CTNNA2: variants seen among roughly 807,000 people sequenced by gnomAD.
CTNNA2 encodes the protein catenin alpha 2.
A neutral mutation model predicts 101.0 loss-of-function variants in CTNNA2; 42 were observed. The ratio of observed to expected loss-of-function variants is 0.42; its 90% CI spans 0.32 to 0.54. The LOEUF is 0.54. CTNNA2 is among the 20% of genes least tolerant of loss of function. The pLI is 0.14. For missense variants in CTNNA2, 871 were observed against 1,223.1 expected (o/e 0.71, Z 4.29); for synonymous variants, 450 against 456.4 (o/e 0.99, Z 0.18).
intron 7 of CTNNA2, among the ~76,000 whole-genome samples, chr2:79,959,700 G>A (rs1689498602): frequency 6.6e-6 from 1 of 152,168 alleles, no homozygotes; most frequent in Admixed American, 6.5e-5. Context: ...TGGTTTTGTG[G>A]CCCCTTCTAA....
chr2:79,826,385 G>C (rs1236741864), intron 3 of CTNNA2, among the ~76,000 whole-genome samples: 1 of 152,222 alleles, frequency 6.6e-6, no homozygotes, highest in African/African-American at 2.4e-5. Flanking sequence ...AAGTTATGTG[G>C]CTGGAGGGTA....
intron 18 of CTNNA2, among the ~76,000 whole-genome samples, chr2:80,621,291 A>C (rs1191978391): frequency 6.6e-6 from 1 of 151,970 alleles, no homozygotes; most frequent in Non-Finnish European, 1.5e-5. Flanking sequence ...AAATGACTGA[A>C]TAGTTGATGA....
intron 7 of CTNNA2, among the ~76,000 whole-genome samples, chr2:80,276,644 AGAGGAGGAGAAGGAG>A (rs1673927493): frequency 6.6e-6 from 1 of 151,934 alleles, no homozygotes; most frequent in Non-Finnish European, 1.5e-5. Context: ...TGAGAGAAAG[AGAGGAGGAGAAGGAG>A]GAGGAGGAGG....
chr2:79,331,390 C>T (rs1346282851), intron 3 of CTNNA2, among the ~76,000 whole-genome samples: 3 of 152,206 alleles, frequency 2.0e-5, no homozygotes, highest in African/African-American at 4.8e-5. Context: ...CCTCCCTTCA[C>T]TTCAGTCAGA....
chr2:79,878,490 G>A (rs1340167955), intron 6 of CTNNA2, among the ~76,000 whole-genome samples: 1 of 152,100 alleles, frequency 6.6e-6, no homozygotes, highest in Non-Finnish European at 1.5e-5. Context: ...TGCATCTATA[G>A]CATCTATCTA....
At chr2:79,787,686 T>G (rs989089171) in intron 3 of CTNNA2, among the ~76,000 whole-genome samples, 1 of 152,068 alleles carries the variant, frequency 6.6e-6, no homozygotes. Flanking sequence ...TTTTCCAACT[T>G]TTAGAGGCCA....
chr2:80,552,964 C>T (rs1692704921), intron 11 of CTNNA2, among the ~76,000 whole-genome samples: 1 of 151,726 alleles, frequency 6.6e-6, no homozygotes, highest in African/African-American at 2.4e-5. Flanking sequence ...TGCCTGTAAT[C>T]CCAGCACTTT....
chr2:79,439,631 T>G (rs144084771), intron 4 of CTNNA2, among the ~76,000 whole-genome samples: 1 of 152,310 alleles, frequency 6.6e-6, no homozygotes, highest in African/African-American at 2.4e-5. Flanking sequence ...TTGCTAAAAA[T>G]GCAGATTCAG....
chr2:80,540,663 G>T (rs1440717933), intron 9 of CTNNA2, among the ~76,000 whole-genome samples: 2 of 151,826 alleles, frequency 1.3e-5, no homozygotes, highest in Non-Finnish European at 2.9e-5. Context: ...ATGTTTTTGA[G>T]GTTGAGGTGT....
At chr2:80,231,156 TAG>T (rs1477272251) in intron 7 of CTNNA2, among the ~76,000 whole-genome samples, 1 of 152,122 alleles carries the variant, frequency 6.6e-6, no homozygotes, top group Non-Finnish European at 1.5e-5. Flanking sequence ...GTATTTTTAG[TAG>T]AGACAGGGTT....
At chr2:80,580,944 A>G (rs1029796087) in intron 13 of CTNNA2, among the ~76,000 whole-genome samples, 1 of 152,184 alleles carries the variant, frequency 6.6e-6, no homozygotes, top group African/African-American at 2.4e-5. Context: ...TGAACCTGGG[A>G]GGTGGAAGTT....
At chr2:79,617,338 A>G (rs1020129479) in intron 1 of CTNNA2, among the ~76,000 whole-genome samples, 2 of 152,048 alleles carry the variant, frequency 1.3e-5, no homozygotes, top group Non-Finnish European at 2.9e-5. Flanking sequence ...TACCTTATCA[A>G]TATTTCTTTC....
At chr2:79,486,837 C>G (rs1019258264) in intron 4 of CTNNA2, among the ~76,000 whole-genome samples, 1 of 152,178 alleles carries the variant, frequency 6.6e-6, no homozygotes, top group Non-Finnish European at 1.5e-5. Flanking sequence ...TACCGACAAG[C>G]TGAAAACTCA....
chr2:79,366,965 T>A (rs933472602), intron 3 of CTNNA2, among the ~76,000 whole-genome samples: 2 of 152,172 alleles, frequency 1.3e-5, no homozygotes, highest in Non-Finnish European at 2.9e-5. Context: ...GAACAAAAGG[T>A]TTCTGTCCTC....
intron 7 of CTNNA2, among the ~76,000 whole-genome samples, chr2:79,944,666 G>C (rs1688377464): frequency 6.6e-6 from 1 of 152,188 alleles, no homozygotes; most frequent in South Asian, 2.1e-4. Flanking sequence ...GGAGATCCAT[G>C]AGTACATCTT....
intron 3 of CTNNA2, among the ~76,000 whole-genome samples, chr2:79,849,292 T>G (rs376158188): frequency 2.6e-4 from 29 of 110,846 alleles, no homozygotes; most frequent in Middle Eastern, 4.3e-3. Flanking sequence ...CATGATAGGG[T>G]TTTTTTTTTT....
intron 7 of CTNNA2, among the ~76,000 whole-genome samples, chr2:79,933,456 CTCT>C (rs1033955292): frequency 1.4e-5 from 2 of 141,208 alleles, no homozygotes; most frequent in African/African-American, 5.8e-5. Flanking sequence ...TTCTGGTATT[CTCT>C]TTTTTTTTTT....
chr2:80,609,231 C>T (rs761462178), intron 17 of CTNNA2, among the ~76,000 whole-genome samples: 5 of 151,772 alleles, frequency 3.3e-5, no homozygotes, highest in Non-Finnish European at 7.4e-5. Context: ...AGACTAGTCA[C>T]AAAGCTCAGG....
chr2:80,348,122 AAC>A (rs527354591), intron 7 of CTNNA2, among the ~76,000 whole-genome samples: 20 of 152,230 alleles, frequency 1.3e-4, no homozygotes, highest in Admixed American at 7.2e-4. Flanking sequence ...CAATTTCTGA[AAC>A]AGACTTTCAA....
Sources: allele counts gnomAD v4.1 joint callset (sites outside exome capture counted in the v4.1 genomes callset), GRCh38; gene constraint gnomAD v4.1.1; transcripts MANE v1.5; gene names NCBI Gene and HGNC (gene_info 2026-07-23, HGNC 2026-07-21).